The following ASAH1 variants were observed in gnomAD, a reference collection of about 807,000 sequenced individuals.
ASAH1 encodes the protein N-acylsphingosine amidohydrolase 1.
ASAH1 carries 70 observed loss-of-function variants against 59.5 expected under a neutral mutation model. The observed-to-expected ratio is 1.18, with a 90% CI of 0.97 to 1.43. The LOEUF is 1.43. ASAH1 is among the 40% of genes most tolerant of loss of function. The pLI, the probability that ASAH1 is intolerant of heterozygous loss-of-function variation, is 0.00. For synonymous variants in ASAH1, 213 were observed against 166.5 expected (o/e 1.28, Z -2.15); for missense variants, 660 against 482.5 (o/e 1.37, Z -3.45).
At chr8:18,073,988 G>C (rs1800284666) in intron 2 of ASAH1, among the ~76,000 whole-genome samples, 1 of 152,194 alleles carries the variant, frequency 6.6e-6, no homozygotes, top group Non-Finnish European at 1.5e-5. Context: ...AGGTATGTAT[G>C]CACATAGGTA....
intron 5 of ASAH1, 43 bp downstream of exon 5, chr8:18,067,177 A>T: frequency 7.8e-7 from 1 of 1,289,744 alleles, no homozygotes; most frequent in Non-Finnish European, 1.1e-6. Flanking sequence ...CTTGTAAAAG[A>T]ATTTAATTAC....
At position 18,061,669 on chromosome 8, in the gene ASAH1, G is replaced by T; in HGVS notation, c.703+17C>A. 6.3e-7 allele frequency: 1 copy of T among 1,582,402 alleles called. No homozygotes were observed. The highest frequency in any genetic ancestry group is 1.1e-5 in the South Asian group (1 of 87,324). On this transcript the variant is annotated intron_variant, in intron 9 of 13. Coordinates refer to ENST00000637790, the MANE Select transcript of ASAH1 (RefSeq NM_177924.5). ...AAGCTCTGAGATTCCCATTTCACTT[G>T]AGAATGCTCTACTTACCCAGATAAC...
intron 6 of ASAH1, 21 bp downstream of exon 6, chr8:18,064,436 C>CGGTGG: frequency 1.5e-6 from 2 of 1,348,274 alleles, no homozygotes; most frequent in South Asian, 1.2e-5. Context: ...TGCTGCCCAC[C>CGGTGG]CTCCCTCAGC....
upstream of ASAH1, chr8:18,084,488 G>A: frequency 1.5e-6 from 2 of 1,316,348 alleles, no homozygotes; most frequent in Non-Finnish European, 1.0e-6. Flanking sequence ...CCCACGAAAC[G>A]GATCCAAAGA....
intron 6 of ASAH1, 122 bp downstream of exon 6, chr8:18,064,335 C>T (rs971693544): frequency 2.6e-6 from 2 of 767,944 alleles, no homozygotes; most frequent in Admixed American, 5.0e-5. Context: ...AAATAAAAAG[C>T]TGTATGCAAC....
intron 2 of ASAH1, among the ~76,000 whole-genome samples, chr8:18,074,164 T>C (rs1800293181): frequency 6.6e-6 from 1 of 152,152 alleles, no homozygotes; most frequent in Non-Finnish European, 1.5e-5. Context: ...TTCAATGAAT[T>C]GGGGCAGTGA....
chr8:18,066,134 T>C (rs1450020818), intron 5 of ASAH1: 1 of 151,920 alleles, frequency 6.6e-6, no homozygotes, highest in African/African-American at 2.4e-5. Flanking sequence ...TATATAAGCA[T>C]ATATATATGA....
chr8:18,067,126 T>TACAGCACCTGTGCTGTATATCTAAGACAC (rs1799960909), intron 5 of ASAH1, 94 bp downstream of exon 5: 8 of 559,654 alleles, frequency 1.4e-5, no homozygotes, highest in Non-Finnish European at 1.7e-5. Flanking sequence ...ATCTAAGACA[T>TACAGCACCTGTGCTGTATATCTAAGACAC]ACAGCACCTG....
intron 3 of ASAH1, 48 bp downstream of exon 3, chr8:18,071,252 A>ATAAAG: frequency 1.1e-6 from 1 of 878,856 alleles, no homozygotes; most frequent in Admixed American, 4.7e-5. Context: ...AAGAAATAAA[A>ATAAAG]TAAAAAATAA....
At chr8:18,065,529 G>C (rs1799894621) in intron 5 of ASAH1, 1 of 151,938 alleles carries the variant, frequency 6.6e-6, no homozygotes, top group Non-Finnish European at 1.5e-5. Flanking sequence ...AAAACTTTTG[G>C]GGTCGTGGGG....
chr8:18,063,478 T>TTC lies in ASAH1; in HGVS notation c.458-249_458-248insGA, dbSNP rs1799797036. On this transcript the variant is annotated intron_variant, in intron 6 of 13. Coordinates refer to ENST00000637790, the MANE Select transcript of ASAH1 (RefSeq NM_177924.5). ...GCGACCGCACCTGGCTACTTTTTTT[T>TTC]TTTTTTTGTATTTTTCTTTTAGTAG... 1.2e-5 allele frequency: 5 copies of TTC among 408,464 alleles called. No individual in the cohort carries two copies. In the Admixed American group the frequency reaches 2.1e-4, roughly 17 times the overall value. 25.3% of individuals were successfully genotyped at this position (408,464 alleles called of 1,614,324 possible). A position where few individuals can be genotyped will look rare whatever the true frequency, so the allele number is the denominator to read the frequency against.
chr8:18,071,313 T>C lies in ASAH1; in HGVS notation c.203A>G (p.Asp68Gly), dbSNP rs771398225. 1 of 1,590,294 alleles carries C rather than the reference T, an allele frequency of 6.3e-7. No homozygotes were observed. The highest frequency in any genetic ancestry group is 8.6e-7 in the Non-Finnish European group (1 of 1,161,176). Residue 68 changes from aspartate to glycine, a missense_variant, in exon 3 of 14, where the codon GAC becomes GGC. Physicochemically the swap from Asp to Gly is moderately conservative, Grantham distance 94. Coordinates refer to ENST00000637790, the MANE Select transcript of ASAH1 (RefSeq NM_177924.5). ...ATCATAGCATACCACTGGTGCCTTG[T>C]CAAGCATCAATTCATGCCATCTTTT... ...PYKRWHELML[D>G]KAPVLKVIVN...
At chr8:18,076,734 C>T (rs1457118014) in intron 1 of ASAH1, 3 of 152,210 alleles carry the variant, frequency 2.0e-5, no homozygotes, top group South Asian at 4.1e-4. Context: ...GTAGCTTGAG[C>T]TCAGAAAACT....
chr8:18,081,219 C>T (rs545041962), intron 1 of ASAH1, among the ~76,000 whole-genome samples: 199 of 152,284 alleles, frequency 1.3e-3, no homozygotes, highest in African/African-American at 4.6e-3. Flanking sequence ...TGACACCTCA[C>T]TCCCTCATCC....
chr8:18,078,753 T>C (rs895243566), intron 1 of ASAH1, among the ~76,000 whole-genome samples: 1 of 152,138 alleles, frequency 6.6e-6, no homozygotes, highest in African/African-American at 2.4e-5. Context: ...AGATGATAGG[T>C]AAAGATTAGA....
Position 18,073,582 on chromosome 8 carries a change from C to T in ASAH1, c.125+1959G>A, listed in dbSNP as rs3753117. Among the ~76,000 whole-genome samples the T allele has an allele frequency of 0.43, 65,125 of 152,018 alleles. 14,844 individuals carry two copies. The highest frequency in any genetic ancestry group is 0.53 in the Admixed American group (8,045 of 15,252). On this transcript the variant is annotated intron_variant, in intron 2 of 13. Transcript: ENST00000637790. ...AAATGCTGAATGGGACTCAGATGGA[C>T]TCAGGGGTGATCTGGCTATCAGTTC...
rs1010809246 is a variant in ASAH1 at position 18,057,434 on chromosome 8, G to A, written c.*100C>T. The A allele has an allele frequency of 3.3e-5, 29 of 873,308 alleles. No individual in the cohort carries two copies. Among genetic ancestry groups the A allele is most frequent in the Middle Eastern group, 2.4e-4 (1 of 4,092 alleles). 54.1% of individuals were successfully genotyped at this position (873,308 alleles called of 1,614,324 possible). A position where few individuals can be genotyped will look rare whatever the true frequency, so the allele number is the denominator to read the frequency against. Reference sequence around the variant, plus strand: ...TATTGACTCAAAGAGAACCTGCCGCGAGTCTTAGTCTTTGGAAGGTCAGAC... The same window carrying A: ...TATTGACTCAAAGAGAACCTGCCGCAAGTCTTAGTCTTTGGAAGGTCAGAC... On this transcript the variant is annotated 3_prime_UTR_variant, in exon 14 of 14. Transcript: ENST00000637790.
At chr8:18,066,945 A>G in intron 5 of ASAH1, 1 of 390,876 alleles carries the variant, frequency 2.6e-6, no homozygotes, top group Non-Finnish European at 4.6e-6. Flanking sequence ...CTATAGTGAC[A>G]TCAGAATAGT....
intron 5 of ASAH1, chr8:18,065,551 C>T (rs962017412): frequency 3.3e-5 from 5 of 151,962 alleles, no homozygotes; most frequent in Admixed American, 2.0e-4. Context: ...AAATATTTTT[C>T]GTTACATGCC....
Sources: allele counts gnomAD v4.1 joint callset (sites outside exome capture counted in the v4.1 genomes callset), GRCh38; gene constraint gnomAD v4.1.1; transcripts MANE v1.5; gene names NCBI Gene and HGNC (gene_info 2026-07-23, HGNC 2026-07-21).